The following HPSE2 variants were observed in gnomAD, a reference collection of about 807,000 sequenced individuals.
The protein encoded by HPSE2 is inactive heparanase-2.
Under a neutral mutation model 60.5 loss-of-function variants are expected in HPSE2, and 38 were observed. The observed-to-expected ratio is 0.63, with a 90% CI of 0.48 to 0.82. HPSE2 has a LOEUF of 0.82. Ranked by LOEUF, HPSE2 falls within the 40% of genes least tolerant of loss-of-function variation. HPSE2 has a pLI of 0.00. For synonymous variants in HPSE2, 295 were observed against 293.2 expected (o/e 1.01, Z -0.06); for missense variants, 713 against 740.4 (o/e 0.96, Z 0.43).
chr10:98,660,774 T>C (rs921675603), intron 6 of HPSE2, among the ~76,000 whole-genome samples: 3 of 152,178 alleles, frequency 2.0e-5, no homozygotes, highest in Non-Finnish European at 4.4e-5. Flanking sequence ...TGCTACCATA[T>C]GGTCATGGCA....
chr10:99,063,014 G>A (rs1228065402), intron 3 of HPSE2, among the ~76,000 whole-genome samples: 2 of 152,114 alleles, frequency 1.3e-5, no homozygotes, highest in African/African-American at 2.4e-5. Flanking sequence ...GTCATGGTGT[G>A]CATTTCTAGT....
intron 3 of HPSE2, among the ~76,000 whole-genome samples, chr10:99,140,226 C>A (rs1478621765): frequency 6.6e-6 from 1 of 152,126 alleles, no homozygotes; most frequent in Non-Finnish European, 1.5e-5. Flanking sequence ...TTATTTGCCA[C>A]AGTAACACTA....
At chr10:98,675,539 T>C (rs1392057849) in intron 6 of HPSE2, among the ~76,000 whole-genome samples, 1 of 121,488 alleles carries the variant, frequency 8.2e-6, no homozygotes, top group East Asian at 2.8e-4. Context: ...GATCCCTGTC[T>C]ACACACACAC....
intron 2 of HPSE2, among the ~76,000 whole-genome samples, chr10:99,199,308 T>G (rs1210399080): frequency 6.6e-6 from 1 of 152,120 alleles, no homozygotes; most frequent in Non-Finnish European, 1.5e-5. Flanking sequence ...AGGGTTCCAG[T>G]TTCTCCACAT....
intron 3 of HPSE2, among the ~76,000 whole-genome samples, chr10:99,040,119 G>A (rs777783912): frequency 1.3e-5 from 2 of 152,006 alleles, no homozygotes; most frequent in East Asian, 1.9e-4. Context: ...TGTAGAGGTC[G>A]GGTAATGCTA....
At chr10:98,584,666 C>A (rs750008393) in intron 9 of HPSE2, among the ~76,000 whole-genome samples, 5 of 152,186 alleles carry the variant, frequency 3.3e-5, no homozygotes, top group Non-Finnish European at 5.9e-5. Flanking sequence ...CCAGGATAAA[C>A]CAGACTTCAA....
intron 3 of HPSE2, among the ~76,000 whole-genome samples, chr10:99,142,795 C>T (rs1446454510): frequency 6.6e-6 from 1 of 152,172 alleles, no homozygotes; most frequent in Non-Finnish European, 1.5e-5. Flanking sequence ...AAGCCATACT[C>T]TGGAGCCTCG....
chr10:98,913,647 C>G (rs1328718735), intron 3 of HPSE2, among the ~76,000 whole-genome samples: 2 of 152,076 alleles, frequency 1.3e-5, no homozygotes, highest in South Asian at 4.2e-4. Flanking sequence ...TAAAAGCTAC[C>G]AAAATGAGCA....
chr10:99,078,435 T>C (rs1212276318), intron 3 of HPSE2, among the ~76,000 whole-genome samples: 1 of 152,182 alleles, frequency 6.6e-6, no homozygotes, highest in African/African-American at 2.4e-5. Flanking sequence ...CATCTCTAGA[T>C]TACTTATAAT....
chr10:98,552,979 G>T (rs1426503902), intron 9 of HPSE2, among the ~76,000 whole-genome samples: 1 of 152,104 alleles, frequency 6.6e-6, no homozygotes, highest in Non-Finnish European at 1.5e-5. Context: ...AAATGGTTTT[G>T]CCTGCAAAAG....
chr10:98,528,716 A>T (rs1433148159), intron 9 of HPSE2, among the ~76,000 whole-genome samples: 6 of 152,350 alleles, frequency 3.9e-5, no homozygotes, highest in Admixed American at 1.3e-4. Context: ...TGTCAGCCGG[A>T]AGGGCAGCCT....
chr10:98,516,842 G>A (rs185966189), intron 9 of HPSE2, among the ~76,000 whole-genome samples: 91 of 152,076 alleles, frequency 6.0e-4, no homozygotes, highest in Non-Finnish European at 1.1e-3. Context: ...AACAAACCTG[G>A]GACAAATGTG....
At chr10:98,707,549 T>A in intron 5 of HPSE2, among the ~76,000 whole-genome samples, 1 of 152,278 alleles carries the variant, frequency 6.6e-6, no homozygotes. Context: ...GAGAAAACTA[T>A]TATTTAAATG....
At chr10:98,492,485 G>C (rs182109432) in intron 9 of HPSE2, among the ~76,000 whole-genome samples, 1 of 116,520 alleles carries the variant, frequency 8.6e-6, no homozygotes, top group African/African-American at 3.2e-5. Flanking sequence ...CTGGGCAACA[G>C]AACGAGATTC....
At chr10:98,796,563 A>G (rs763940242) in intron 3 of HPSE2, among the ~76,000 whole-genome samples, 6 of 152,204 alleles carry the variant, frequency 3.9e-5, no homozygotes, top group Non-Finnish European at 8.8e-5. Flanking sequence ...CGGCTCCAAG[A>G]TACATCTCTG....
At chr10:98,692,493 G>A (rs1948100250) in intron 6 of HPSE2, among the ~76,000 whole-genome samples, 1 of 151,882 alleles carries the variant, frequency 6.6e-6, no homozygotes, top group Non-Finnish European at 1.5e-5. Flanking sequence ...TTAAGGCCGG[G>A]CGCGGTGGCT....
rs559041592 is a variant in HPSE2 at position 99,158,502 on chromosome 10, A to G, written c.449-14103T>C. On this transcript the variant is annotated intron_variant, in intron 2 of 11. Transcript: ENST00000370552. ...ATCATTCTCAGTAAACTATCGCAAG[A>G]ACAAAAAACCAAACACCGCATATTC... Among the ~76,000 whole-genome samples, 420 of 134,116 alleles carry G rather than the reference A, an allele frequency of 3.1e-3. 1 individual carries two copies. Among genetic ancestry groups the G allele is most frequent in the African/African-American group, 0.01 (371 of 37,096 alleles). The allele number at this position is 134,116 out of a possible 152,430, so 88.0% of individuals were successfully genotyped here.
intron 1 of HPSE2, among the ~76,000 whole-genome samples, chr10:99,233,223 A>T (rs976509475): frequency 2.6e-5 from 4 of 151,364 alleles, no homozygotes; most frequent in Non-Finnish European, 5.9e-5. Context: ...ACCACCACAC[A>T]CACACACAGT....
chr10:99,087,398 C>T (rs1258870107), intron 3 of HPSE2, among the ~76,000 whole-genome samples: 3 of 152,184 alleles, frequency 2.0e-5, no homozygotes, highest in Non-Finnish European at 4.4e-5. Flanking sequence ...CCAGATCCTG[C>T]CCTTGGATAC....
Sources: gnomAD v4.1 joint callset for allele counts (sites outside exome capture counted in the v4.1 genomes callset) on GRCh38, gnomAD v4.1.1 for gene constraint, MANE v1.5 for transcripts, NCBI Gene and HGNC (gene_info 2026-07-23, HGNC 2026-07-21) for gene names.